The following LRRC15 variants were observed in gnomAD, a reference collection of about 807,000 sequenced individuals.
The protein encoded by LRRC15 is leucine rich repeat containing 15.
LRRC15 carries 5 observed loss-of-function variants against 4.3 expected under a neutral mutation model. That is an observed-to-expected ratio of 1.16 (90% CI 0.61 to 2.44). LRRC15 has a LOEUF of 2.44. Ranked by LOEUF, LRRC15 falls within the 30% of genes most tolerant of loss-of-function variation. LRRC15 has a pLI of 0.01. For synonymous variants in LRRC15, 337 were observed against 323.2 expected (o/e 1.04, Z -0.46); for missense variants, 769 against 747.0 (o/e 1.03, Z -0.34).
At position 194,363,780 on chromosome 3, in the gene LRRC15, A is replaced by G. The variant is rs191272426; in HGVS notation, c.-3-2734T>C. Among the ~76,000 whole-genome samples the G allele has an allele frequency of 2.1e-4, 32 of 152,334 alleles. 1 individual carries two copies. Among genetic ancestry groups the G allele is most frequent in the Admixed American group, 1.2e-3 (18 of 15,298 alleles). Reference sequence around the variant, plus strand: ...ATGGCAAGGGGATCTAGAAAACAGAACATCTGAGCATCCATTGAAGGAACT... The same window carrying G: ...ATGGCAAGGGGATCTAGAAAACAGAGCATCTGAGCATCCATTGAAGGAACT... On this transcript the variant is annotated intron_variant, in intron 1 of 1. Coordinates refer to ENST00000347624, the MANE Select transcript of LRRC15 (RefSeq NM_130830.5).
intron 1 of LRRC15, among the ~76,000 whole-genome samples, chr3:194,364,109 C>T (rs1486300944): frequency 6.6e-6 from 1 of 152,110 alleles, no homozygotes. Flanking sequence ...AATCACTTGG[C>T]AAGCAAGCTG....
rs890694358 is a variant in LRRC15 at position 194,357,303 on chromosome 3, C to T, written c.*1995G>A. On this transcript the variant is annotated 3_prime_UTR_variant, in exon 2 of 2. Transcript: ENST00000347624. Reference sequence around the variant, plus strand: ...TCCAGATCACAGGTGTCTTGTGGAGCGGGGAGCTAATAAGAGCCGATCGGG... The same window carrying T: ...TCCAGATCACAGGTGTCTTGTGGAGTGGGGAGCTAATAAGAGCCGATCGGG... The T allele has an allele frequency of 2.0e-5, 3 of 150,672 alleles. No homozygotes were observed. Among genetic ancestry groups the T allele is most frequent in the Non-Finnish European group, 3.0e-5 (2 of 67,744 alleles). The allele number at this position is 150,672 out of a possible 1,614,324, so 9.3% of individuals were successfully genotyped here.
At chr3:194,364,423 A>G (rs7614056) in intron 1 of LRRC15, among the ~76,000 whole-genome samples, 63,436 of 152,066 alleles carry the variant, frequency 0.42, 14,958 homozygotes, top group African/African-American at 0.62. Flanking sequence ...TATACCCAGC[A>G]TGCTTCAAAA....
At chr3:194,366,391 A>T (rs573961139) in intron 1 of LRRC15, among the ~76,000 whole-genome samples, 1 of 152,342 alleles carries the variant, frequency 6.6e-6, no homozygotes, top group African/African-American at 2.4e-5. Flanking sequence ...TAAAAATCAG[A>T]ATCTCTGGAG....
rs779812479 is a variant in LRRC15 at position 194,360,553 on chromosome 3, A to G, written c.491T>C (p.Ile164Thr). The G allele has an allele frequency of 5.6e-6, 9 of 1,614,032 alleles. No individual in the cohort carries two copies. The highest frequency in any genetic ancestry group is 7.6e-6 in the Non-Finnish European group (9 of 1,180,022). The change falls in exon 2 of 2, where the codon ATC (isoleucine) becomes ACC (threonine). Residue 164 changes from isoleucine to threonine, a missense_variant. Ile to Thr is a moderately conservative substitution (Grantham distance 89). Coordinates refer to ENST00000347624, the MANE Select transcript of LRRC15 (RefSeq NM_130830.5). ...LQLHGNHLEY[I>T]PDGAFDHLVG... is the part of the protein sequence containing the mutation. ...CAGGTGGTCGAAGGCTCCGTCAGGG[A>G]TGTATTCCAGGTGGTTGCCGTGCAA...
intron 1 of LRRC15, among the ~76,000 whole-genome samples, chr3:194,367,096 G>C (rs1713804169): frequency 1.3e-5 from 2 of 152,148 alleles, no homozygotes; most frequent in Non-Finnish European, 1.5e-5. Flanking sequence ...CAACTACCAG[G>C]CTGCATGGGT....
chr3:194,361,192 C>A (rs925377945), intron 1 of LRRC15, 146 bp from the exon 2 acceptor site: 4 of 682,738 alleles, frequency 5.9e-6, no homozygotes, highest in Non-Finnish European at 9.2e-6. Context: ...CTGCTCTGAA[C>A]AGGAAGCCTC....
At position 194,356,683 on chromosome 3, in the gene LRRC15, G is replaced by A. The variant is rs1356461613; in HGVS notation, c.*2615C>T. On this transcript the variant is annotated 3_prime_UTR_variant, in exon 2 of 2. Transcript: ENST00000347624. ...GCCCTCAGGTCAGCCTCTGGCTGGA[G>A]AGGAAGGTGCTCCAATGTCATGGCT... is the stretch of plus-strand genomic sequence containing the variant. 4 of 151,234 alleles carry A rather than the reference G, an allele frequency of 2.6e-5. No homozygotes were observed. The allele number at this position is 151,234 out of a possible 1,614,324, so 9.4% of individuals were successfully genotyped here.
rs530171790 is a variant in LRRC15 at position 194,359,918 on chromosome 3, G to A, written c.1126C>T (p.Arg376Cys). The A allele has an allele frequency of 1.6e-5, 26 of 1,614,158 alleles. No homozygotes were observed. The highest frequency in any genetic ancestry group is 1.7e-4 in the Middle Eastern group (1 of 6,060). Residue 376 changes from arginine (R) to cysteine (C), a missense_variant, in exon 2 of 2, where the codon CGC becomes TGC. By Grantham distance (180) the Arg-to-Cys change is radical (BLOSUM62 -3). Transcript: ENST00000347624. Reference sequence around the variant, plus strand: ...ATATTCCCTGGGAGCTGTCTGAGGCGGTTGTTCTGCAGGGAGATGTTCTGC... The same window carrying A: ...ATATTCCCTGGGAGCTGTCTGAGGCAGTTGTTCTGCAGGGAGATGTTCTGC... ...NLQNISLQNN[R>C]LRQLPGNIFA...
At chr3:194,364,692 C>T (rs759725374) in intron 1 of LRRC15, among the ~76,000 whole-genome samples, 4 of 152,210 alleles carry the variant, frequency 2.6e-5, no homozygotes, top group Non-Finnish European at 5.9e-5. Flanking sequence ...GGAACAGGGC[C>T]ACCACTGTCT....
rs1713614576 is a variant in LRRC15, at chr3:194,361,009, C to T, written c.35G>A (p.Gly12Asp). The T allele has an allele frequency of 1.3e-6, 2 of 1,521,106 alleles. No homozygotes were observed. Among genetic ancestry groups the T allele is most frequent in the Non-Finnish European group, 1.8e-6 (2 of 1,141,574 alleles). The allele number at this position is 1,521,106 out of a possible 1,614,324, so 94.2% of individuals were successfully genotyped here. ...CAACCCTGCACCCCAGGCTTGGCAGCCCACCAGCAAAAGGAGATAATGCTT... is the reference window on the plus strand; with the variant it reads ...CAACCCTGCACCCCAGGCTTGGCAGTCCACCAGCAAAAGGAGATAATGCTT... ...PLKHYLLLLV[G>D]CQAWGAGLAY... The change falls in exon 2 of 2, where the codon GGC becomes GAC. Residue 12 changes from glycine (G) to aspartate (D), a missense_variant. Gly to Asp is a moderately conservative substitution (Grantham distance 94). Coordinates refer to ENST00000347624, the MANE Select transcript of LRRC15 (RefSeq NM_130830.5).
rs781238952 is a variant in LRRC15 at position 194,360,773 on chromosome 3, G to A, written c.271C>T (p.Arg91Cys). The A allele has an allele frequency of 1.1e-5, 18 of 1,614,124 alleles. No homozygotes were observed. The highest frequency in any genetic ancestry group is 5.0e-5 in the Admixed American group (3 of 60,010). Residue 91 changes from arginine to cysteine, a missense_variant, in exon 2 of 2, where the codon CGC becomes TGC. Coordinates refer to ENST00000347624, the MANE Select transcript of LRRC15 (RefSeq NM_130830.5). ...ALRIEKNELS[R>C]ITPGAFRNLG... ...TTTCGGAAGGCCCCAGGCGTGATGCGCGACAGCTCATTCTTCTCAATCCTC... is the reference window on the plus strand; with the variant it reads ...TTTCGGAAGGCCCCAGGCGTGATGCACGACAGCTCATTCTTCTCAATCCTC...
At chr3:194,368,713 G>A (rs1478879061) in intron 1 of LRRC15, among the ~76,000 whole-genome samples, 1 of 152,144 alleles carries the variant, frequency 6.6e-6, no homozygotes, top group African/African-American at 2.4e-5. Context: ...CTCAGAGAGA[G>A]TGCAGCTGCA....
In LRRC15 at chr3:194,357,317, G is replaced by C. The variant is rs1214402222; in HGVS notation, c.*1981C>G. On this transcript the variant is annotated 3_prime_UTR_variant, in exon 2 of 2. Transcript: ENST00000347624. ...GTCTTGTGGAGCGGGGAGCTAATAA[G>C]AGCCGATCGGGATTGGTGGTGGATT... 6.6e-6 allele frequency: 1 copy of C among 151,698 alleles called. No homozygotes were observed. Among genetic ancestry groups the C allele is most frequent in the East Asian group, 1.9e-4 (1 of 5,182 alleles). The allele number at this position is 151,698 out of a possible 1,614,324, so 9.4% of individuals were successfully genotyped here.
At chr3:194,366,975 C>T (rs943068933) in intron 1 of LRRC15, among the ~76,000 whole-genome samples, 3 of 152,178 alleles carry the variant, frequency 2.0e-5, no homozygotes, top group Admixed American at 6.5e-5. Context: ...CCTGGCAGGG[C>T]CTGGGATTGG....
At chr3:194,369,036 A>G (rs1713867138) in intron 1 of LRRC15, among the ~76,000 whole-genome samples, 1 of 152,214 alleles carries the variant, frequency 6.6e-6, no homozygotes, top group South Asian at 2.1e-4. Flanking sequence ...AGCCTGAACA[A>G]TGCTGAGCCC....
At chr3:194,361,686 G>A (rs917993739) in intron 1 of LRRC15, among the ~76,000 whole-genome samples, 2 of 152,164 alleles carry the variant, frequency 1.3e-5, no homozygotes, top group African/African-American at 4.8e-5. Flanking sequence ...CAGCAGCGGC[G>A]GCAGAGTTAG....
rs531088228 is a variant in LRRC15, at chr3:194,359,532, A to G, written c.1512T>C (p.Ser504=). The change falls in exon 2 of 2, where the codon TCT becomes TCC. Residue 504 remains serine, a synonymous_variant. Transcript: ENST00000347624. ...PSYPDTTSVS[S]TTELTSPVED... ...CCACAGGGCTGGTTAGCTCAGTGGT[A>G]GAAGAGACGGATGTGGTGTCAGGGT... 1.2e-6 allele frequency: 2 copies of G among 1,614,240 alleles called. No individual in the cohort carries two copies. The highest frequency in any genetic ancestry group is 1.6e-4 in the Middle Eastern group (1 of 6,062).
chr3:194,360,076 A>T lies in LRRC15; in HGVS notation c.968T>A (p.Ile323Asn). Residue 323 changes from isoleucine (I) to asparagine (N), a missense_variant, in exon 2 of 2, where the codon ATT becomes AAT. By Grantham distance (149) the Ile-to-Asn change is moderately radical. Coordinates refer to ENST00000347624, the MANE Select transcript of LRRC15 (RefSeq NM_130830.5). ...GAAGCTGATCTGATTGCGGCTAAGAATCAGGACCTGCAACTGGCGGAGGTT... is the reference window on the plus strand; with the variant it reads ...GAAGCTGATCTGATTGCGGCTAAGATTCAGGACCTGCAACTGGCGGAGGTT... ...FSNLRQLQVLILSRNQISFIS... is the reference protein window; with the variant it reads ...FSNLRQLQVLNLSRNQISFIS... The T allele has an allele frequency of 6.2e-7, 1 of 1,614,216 alleles. No individual in the cohort carries two copies. Among genetic ancestry groups the T allele is most frequent in the Non-Finnish European group, 8.5e-7 (1 of 1,180,032 alleles).
Sources: allele counts gnomAD v4.1 joint callset (sites outside exome capture counted in the v4.1 genomes callset), GRCh38; gene constraint gnomAD v4.1.1; transcripts MANE v1.5; gene names NCBI Gene and HGNC (gene_info 2026-07-23, HGNC 2026-07-21).